Variants in ABCC10 observed in about 807,000 individuals in gnomAD.
The protein encoded by ABCC10 is ATP-binding cassette sub-family C member 10.
ABCC10 carries 110 observed loss-of-function variants against 143.2 expected under a neutral mutation model. That is an observed-to-expected ratio of 0.77 (90% confidence interval 0.66 to 0.90). The LOEUF (loss-of-function observed/expected upper bound fraction) is 0.90, where lower values mean the gene tolerates loss of function less well. Ranked by LOEUF, ABCC10 falls within the 40% of genes least tolerant of loss-of-function variation. ABCC10 has a pLI of 0.00. For synonymous variants in ABCC10, 805 were observed against 846.7 expected (o/e 0.95, Z 0.85); for missense variants, 1,700 against 1,900.5 (o/e 0.89, Z 1.96).
Position 43,446,210 on chromosome 6 carries a change from G to A in ABCC10, c.3375-67G>A. On this transcript the variant is annotated intron_variant, in intron 15 of 21. Transcript: ENST00000372530. ...CTGCTCAATAAGGGCCTTCCCTGTTGAGGCCCTGAGGCTGGGTGGCTCAGG... is the reference window on the plus strand; with the variant it reads ...CTGCTCAATAAGGGCCTTCCCTGTTAAGGCCCTGAGGCTGGGTGGCTCAGG... 2.6e-6 allele frequency: 4 copies of A among 1,549,828 alleles called. No homozygotes were observed. In the South Asian group the frequency reaches 4.9e-5, roughly 19 times the overall value.
At position 43,444,193 on chromosome 6, in the gene ABCC10, AAAG is replaced by A. The variant is rs1782778167; in HGVS notation, c.2530_2532del (p.Lys844del). 1 of 1,613,832 alleles carries A rather than the reference AAAG, an allele frequency of 6.2e-7. No individual in the cohort carries two copies. Among genetic ancestry groups the A allele is most frequent in the South Asian group, 1.1e-5 (1 of 91,056 alleles). ...AGTCAGTACAGAACCCAGAGAAAAC[AAAG>A]GAGGGGCTGGAGGAGGAGCAGAGCA... On this transcript the variant is annotated inframe_deletion, in exon 12 of 22. Coordinates refer to ENST00000372530, the MANE Select transcript of ABCC10 (RefSeq NM_001198934.2).
At chr6:43,442,036 AG>A in intron 9 of ABCC10, 76 bp downstream of exon 9, 1 of 1,303,328 alleles carries the variant, frequency 7.7e-7, no homozygotes, top group Non-Finnish European at 1.1e-6. Flanking sequence ...CTGAGTTAGG[AG>A]GATAGGAATA....
Position 43,444,408 on chromosome 6 carries a change from C to G in ABCC10, c.2689+55C>G, listed in dbSNP as rs115896033. Reference sequence around the variant, plus strand: ...CGTAACGGCTGTGCTGTCTAGGTGCCCATTACCTTGCACTAATCATTACAA... The same window carrying G: ...CGTAACGGCTGTGCTGTCTAGGTGCGCATTACCTTGCACTAATCATTACAA... On this transcript the variant is annotated intron_variant, in intron 12 of 21. Transcript: ENST00000372530. 62,908 of 1,526,520 alleles carry G rather than the reference C, an allele frequency of 0.041. 1,512 individuals carry two copies. Among genetic ancestry groups the G allele is most frequent in the Non-Finnish European group, 0.047 (53,323 of 1,138,732 alleles). The allele number at this position is 1,526,520 out of a possible 1,614,324, so 94.6% of individuals were successfully genotyped here.
chr6:43,441,469 C>G (rs1236601708), intron 8 of ABCC10, among the ~76,000 whole-genome samples: 1 of 150,534 alleles, frequency 6.6e-6, no homozygotes, highest in Non-Finnish European at 1.5e-5. Flanking sequence ...AGCGAGACTC[C>G]GTCTCAAAAA....
rs749322486 is a variant in ABCC10 at position 43,433,109 on chromosome 6, A to C, written c.1129A>C (p.Thr377Pro). Reference protein sequence around the residue: ...ALQLGPSRPPTGEALNLLGTD... With the variant: ...ALQLGPSRPPPGEALNLLGTD... Reference sequence around the variant, plus strand: ...ACAGCTGGGGCCCAGCCGCCCTCCTACTGGGGAGGCCCTGAACCTACTAGG... The same window carrying C: ...ACAGCTGGGGCCCAGCCGCCCTCCTCCTGGGGAGGCCCTGAACCTACTAGG... The change falls in exon 3 of 22, where the codon ACT becomes CCT. Residue 377 changes from threonine to proline, a missense_variant. Transcript: ENST00000372530. 2 of 1,614,086 alleles carry C rather than the reference A, an allele frequency of 1.2e-6. No homozygotes were observed. The highest frequency in any genetic ancestry group is 1.1e-5 in the South Asian group (1 of 91,082).
Position 43,427,745 on chromosome 6 carries a change from A to C in ABCC10, c.-24A>C, listed in dbSNP as rs1780656416. Reference sequence around the variant, plus strand: ...GGGGGCGGAGAAACGGGAGGGGAAAAACAGATGGCAAGGTGGGTGACCAGC... The same window carrying C: ...GGGGGCGGAGAAACGGGAGGGGAAACACAGATGGCAAGGTGGGTGACCAGC... On this transcript the variant is annotated 5_prime_UTR_variant, in exon 1 of 22. Coordinates refer to ENST00000372530, the MANE Select transcript of ABCC10 (RefSeq NM_001198934.2). 1.7e-6 allele frequency: 1 copy of C among 596,856 alleles called. No individual in the cohort carries two copies. The highest frequency in any genetic ancestry group is 1.9e-5 in the African/African-American group (1 of 53,816). 37.0% of individuals were successfully genotyped at this position (596,856 alleles called of 1,614,324 possible).
intron 5 of ABCC10, 46 bp from the exon 6 acceptor site, chr6:43,436,090 CAG>C: frequency 6.2e-7 from 1 of 1,613,376 alleles, no homozygotes; most frequent in Non-Finnish European, 8.5e-7. Flanking sequence ...CCTCCCCAAA[CAG>C]ATTGTGGTAG....
chr6:43,438,502 G>A, intron 7 of ABCC10, 122 bp from the exon 8 acceptor site: 1 of 1,462,130 alleles, frequency 6.8e-7, no homozygotes, highest in Non-Finnish European at 9.0e-7. Context: ...TCAGTCATGT[G>A]ACATGAAGGG....
intron 6 of ABCC10, among the ~76,000 whole-genome samples, 189 bp from the exon 7 acceptor site, chr6:43,437,745 C>G (rs540441542): frequency 6.6e-6 from 1 of 152,168 alleles, no homozygotes; most frequent in African/African-American, 2.4e-5. Context: ...GAAAAAAACA[C>G]CCTACTTTTC....
chr6:43,431,770 A>C (rs1781162134), intron 2 of ABCC10: 18 of 1,063,950 alleles, frequency 1.7e-5, no homozygotes, highest in Non-Finnish European at 2.0e-5. Context: ...TCCCATCACC[A>C]AAGTAGCAAA....
chr6:43,434,423 C>G (rs1181839460), intron 3 of ABCC10, 198 bp from the exon 4 acceptor site: 1 of 562,496 alleles, frequency 1.8e-6, no homozygotes, highest in African/African-American at 1.9e-5. Flanking sequence ...GGGGAAGCAA[C>G]CCAGGGCTGA....
chr6:43,438,784 G>C lies in ABCC10; in HGVS notation c.2116G>C (p.Asp706His). 2 of 1,614,162 alleles carry C rather than the reference G, an allele frequency of 1.2e-6. No homozygotes were observed. The highest frequency in any genetic ancestry group is 1.3e-5 in the African/African-American group (1 of 75,054). ...GGTGCTAGAAGCCTGCGCCCTCAAT[G>C]ATGACCTCAGTGTGAGTGCCTGGCC... Reference protein sequence around the residue: ...KEVLEACALNDDLSILPAGDQ... With the variant: ...KEVLEACALNHDLSILPAGDQ... Residue 706 changes from aspartate (D) to histidine (H), a missense_variant, in exon 8 of 22, where the codon GAT becomes CAT. By Grantham distance (81) the Asp-to-His change is moderately conservative. Transcript: ENST00000372530.
intron 16 of ABCC10, chr6:43,446,795 C>T: frequency 1.7e-6 from 2 of 1,174,948 alleles, no homozygotes; most frequent in African/African-American, 1.6e-5. Context: ...TGCATCTGGC[C>T]TCCTGTGCTC....
In ABCC10 at chr6:43,440,929, A is replaced by C. The variant is rs1320886733; in HGVS notation, c.2128-933A>C. ...AAATCTCTTCTCTACAAAAAAAAAA[A>C]ACAAACAAACAAAAAAAACAAAAAT... On this transcript the variant is annotated intron_variant, in intron 8 of 21. Transcript: ENST00000372530. Among the ~76,000 whole-genome samples, 218 of 148,172 alleles carry C rather than the reference A, an allele frequency of 1.5e-3. 2 individuals carry two copies. Among genetic ancestry groups the C allele is most frequent in the African/African-American group, 5.1e-3 (205 of 39,950 alleles).
chr6:43,451,519 G>A (rs1423177095), downstream of ABCC10, among the ~76,000 whole-genome samples: 3 of 152,198 alleles, frequency 2.0e-5, no homozygotes, highest in African/African-American at 4.8e-5. The surrounding 1 kb of genome is among the most constrained non-coding windows in gnomAD (Gnocchi z 4.4). Context: ...CAGGGTAAGT[G>A]TGCTATTATT....
chr6:43,430,877 C>T (rs1781055262), intron 2 of ABCC10: 2 of 151,978 alleles, frequency 1.3e-5, no homozygotes, highest in Non-Finnish European at 2.9e-5. Context: ...GTGTGTGCCA[C>T]CATTCCCTGC....
At position 43,444,370 on chromosome 6, in the gene ABCC10, G is replaced by T; in HGVS notation, c.2689+17G>T. The T allele has an allele frequency of 6.3e-7, 1 of 1,587,430 alleles. No homozygotes were observed. Among genetic ancestry groups the T allele is most frequent in the East Asian group, 2.2e-5 (1 of 44,688 alleles). Reference sequence around the variant, plus strand: ...TCATGCAAGGTGAGAGCGTGCCTGGGAGTCTCTTACATCGTAACGGCTGTG... The same window carrying T: ...TCATGCAAGGTGAGAGCGTGCCTGGTAGTCTCTTACATCGTAACGGCTGTG... On this transcript the variant is annotated intron_variant, in intron 12 of 21. Coordinates refer to ENST00000372530, the MANE Select transcript of ABCC10 (RefSeq NM_001198934.2).
At chr6:43,439,195 C>T (rs1214617561) in intron 8 of ABCC10, among the ~76,000 whole-genome samples, 1 of 152,084 alleles carries the variant, frequency 6.6e-6, no homozygotes, top group Non-Finnish European at 1.5e-5. Flanking sequence ...CCCCTTGCCC[C>T]CAGTCCAGAG....
intron 8 of ABCC10, among the ~76,000 whole-genome samples, chr6:43,440,765 G>A (rs1782317982): frequency 6.6e-6 from 1 of 151,964 alleles, no homozygotes; most frequent in African/African-American, 2.4e-5. Flanking sequence ...GGGAGGCTGA[G>A]GCAGGAGAAT....
Sources: gnomAD v4.1 joint callset for allele counts (sites outside exome capture counted in the v4.1 genomes callset) on GRCh38, gnomAD v4.1.1 for gene constraint, Gnocchi (gnomAD v3.1) non-coding constraint, MANE v1.5 for transcripts, NCBI Gene and HGNC (gene_info 2026-07-23, HGNC 2026-07-21) for gene names.